The following JUP variants were observed in gnomAD, a reference collection of about 807,000 sequenced individuals.
JUP encodes the protein catenin (cadherin-associated protein), gamma 80kDa.
A neutral mutation model predicts 71.1 loss-of-function variants in JUP; 28 were observed. That is an observed-to-expected ratio of 0.39 (90% CI 0.29 to 0.54). The LOEUF (loss-of-function observed/expected upper bound fraction) is 0.54, where lower values mean the gene tolerates loss of function less well. JUP is among the 20% of genes least tolerant of loss of function. The probability of loss-of-function intolerance (pLI) is 0.62; values close to 1 mark genes in which losing one functional copy is unlikely to be tolerated. For synonymous variants in JUP, 401 were observed against 438.9 expected (o/e 0.91, Z 1.08); for missense variants, 869 against 1,030.1 (o/e 0.84, Z 2.14).
chr17:41,767,709 G>A (rs551709978), intron 4 of JUP, 129 bp from the exon 5 acceptor site: 27 of 691,056 alleles, frequency 3.9e-5, no homozygotes, highest in African/African-American at 1.9e-4. Context: ...ATATCCCTTT[G>A]CTAAAATCTC....
At chr17:41,760,561 T>TTTTTTG (rs1216313663) in intron 8 of JUP, among the ~76,000 whole-genome samples, 1 of 143,230 alleles carries the variant, frequency 7.0e-6, no homozygotes, top group East Asian at 2.2e-4. Flanking sequence ...CCTGGCCATG[T>TTTTTTG]TTTTTGTTTT....
At chr17:41,762,397 C>G (rs568745436) in intron 8 of JUP, among the ~76,000 whole-genome samples, 1 of 151,684 alleles carries the variant, frequency 6.6e-6, no homozygotes, top group South Asian at 2.1e-4. Flanking sequence ...TCCTGTTTTT[C>G]TTTTCTTTTA....
intron 6 of JUP, 28 bp downstream of exon 6, chr17:41,764,895 C>T (rs560408001): frequency 6.2e-6 from 10 of 1,614,002 alleles, no homozygotes; most frequent in Non-Finnish European, 8.5e-6. Context: ...GCTCCCACCC[C>T]AGCCGCCCTC....
chr17:41,765,165 G>T, intron 5 of JUP, 98 bp from the exon 6 acceptor site: 1 of 1,198,120 alleles, frequency 8.3e-7, no homozygotes, highest in Non-Finnish European at 1.2e-6. Context: ...CTGAGCTTCA[G>T]CTAAAGCACG....
chr17:41,756,299 C>T lies in JUP; in HGVS notation c.2047-85G>A, dbSNP rs541732027. On this transcript the variant is annotated intron_variant, in intron 12 of 13. Transcript: ENST00000393931. ...CTCAGCTGGTGGGCAGGGAGAGATG[C>T]TTCTAAAAGAGGGGGCCAGGCTGGG... 3.2e-5 allele frequency: 45 copies of T among 1,389,414 alleles called. No homozygotes were observed. The East Asian group carries it at 5.8e-4, about 18-fold the overall frequency. The allele number at this position is 1,389,414 out of a possible 1,614,324, so 86.1% of individuals were successfully genotyped here.
At chr17:41,784,200 C>A (rs2047331910) in intron 1 of JUP, among the ~76,000 whole-genome samples, 1 of 152,108 alleles carries the variant, frequency 6.6e-6, no homozygotes, top group South Asian at 2.1e-4. Flanking sequence ...AAAAGGTTGG[C>A]AGCCCTAGCC....
chr17:41,760,813 G>A (rs782656925), intron 8 of JUP, among the ~76,000 whole-genome samples: 17 of 151,914 alleles, frequency 1.1e-4, no homozygotes, highest in African/African-American at 3.9e-4. Context: ...CTCCCGCCCC[G>A]TCCTCCCAAA....
At position 41,755,877 on chromosome 17, in the gene JUP, C is replaced by T. The variant is rs200690479; in HGVS notation, c.2105G>A (p.Arg702His). The T allele has an allele frequency of 3.7e-5, 60 of 1,609,514 alleles. No homozygotes were observed. Among genetic ancestry groups the T allele is most frequent in the Non-Finnish European group, 4.6e-5 (54 of 1,177,476 alleles). ...PYGDDMDATYRPMYSSDVPLD... is the reference protein window; with the variant it reads ...PYGDDMDATYHPMYSSDVPLD... ...GGGCACATCGCTGGAGTACATGGGG[C>T]GGTAGGTGGCATCCATGTCTGGGGA... The change falls in exon 14 of 14, where the codon CGC becomes CAC. Residue 702 changes from arginine (R) to histidine (H), a missense_variant. By Grantham distance (29) the Arg-to-His change is conservative. Transcript: ENST00000393931.
At chr17:41,769,278 G>C in intron 3 of JUP, 71 bp from the exon 4 acceptor site, 1 of 1,563,150 alleles carries the variant, frequency 6.4e-7, no homozygotes, top group Non-Finnish European at 8.7e-7. Context: ...ACAGAGCTGA[G>C]GAGGGCCCCA....
At chr17:41,779,332 A>AC (rs2047049185) in intron 1 of JUP, among the ~76,000 whole-genome samples, 1 of 123,706 alleles carries the variant, frequency 8.1e-6, no homozygotes, top group Admixed American at 8.6e-5. Context: ...TAAACTTCCC[A>AC]ATTTTTTTTT....
At chr17:41,785,651 A>C (rs782407032) in intron 1 of JUP, among the ~76,000 whole-genome samples, 8 of 152,202 alleles carry the variant, frequency 5.3e-5, no homozygotes, top group Non-Finnish European at 1.2e-4. Context: ...CCCCAGATAA[A>C]GCTGCTGTGA....
intron 1 of JUP, among the ~76,000 whole-genome samples, chr17:41,783,484 T>C (rs1555610832): frequency 6.6e-6 from 1 of 151,698 alleles, no homozygotes; most frequent in East Asian, 2.0e-4. Flanking sequence ...AGACAGGGTT[T>C]CTCCATGTTG....
At chr17:41,762,926 C>G in intron 8 of JUP, 57 bp downstream of exon 8, 8 of 1,498,094 alleles carry the variant, frequency 5.3e-6, no homozygotes, top group Non-Finnish European at 7.4e-6. Context: ...TTGCCTATAC[C>G]AATACAGCAC....
At chr17:41,774,327 ATTTCTTTC>A in intron 1 of JUP, among the ~76,000 whole-genome samples, 1 of 151,644 alleles carries the variant, frequency 6.6e-6, no homozygotes, top group African/African-American at 2.4e-5. Flanking sequence ...ATAATTTCCA[ATTTCTTTC>A]TTTCTTTCTT....
chr17:41,777,914 C>T (rs912182464), intron 1 of JUP, among the ~76,000 whole-genome samples: 7 of 152,182 alleles, frequency 4.6e-5, no homozygotes, highest in East Asian at 3.8e-4. Context: ...TGGTGACCCC[C>T]GTGGGCAGAT....
chr17:41,772,930 C>T (rs556505480), intron 1 of JUP: 11 of 985,446 alleles, frequency 1.1e-5, no homozygotes, highest in African/African-American at 8.7e-5. Flanking sequence ...TCAGAGGCTG[C>T]GGGGAGAATG....
chr17:41,775,636 C>CA (rs1555608423), intron 1 of JUP, among the ~76,000 whole-genome samples: 1 of 152,200 alleles, frequency 6.6e-6, no homozygotes, highest in African/African-American at 2.4e-5. Flanking sequence ...GGGACAGAGA[C>CA]AGGGCGGGTT....
At chr17:41,775,986 G>T (rs1407023199) in intron 1 of JUP, 3 of 985,274 alleles carry the variant, frequency 3.0e-6, no homozygotes, top group Non-Finnish European at 3.6e-6. Flanking sequence ...GCTACACCAG[G>T]CTCCTTCCCC....
intron 8 of JUP, among the ~76,000 whole-genome samples, chr17:41,759,072 CTTT>C (rs11404112): frequency 2.3e-5 from 3 of 131,092 alleles, no homozygotes; most frequent in Admixed American, 7.9e-5. Flanking sequence ...ATGGCTAATT[CTTT>C]TTTTTTTTTT....
Sources: gnomAD v4.1 joint callset for allele counts (sites outside exome capture counted in the v4.1 genomes callset) on GRCh38, gnomAD v4.1.1 for gene constraint, MANE v1.5 for transcripts, NCBI Gene and HGNC (gene_info 2026-07-23, HGNC 2026-07-21) for gene names.